Variants in LAMC2 observed in about 807,000 individuals in gnomAD.
LAMC2 encodes laminin subunit gamma-2.
Under a neutral mutation model 140.2 loss-of-function variants are expected in LAMC2, and 97 were observed. The ratio of observed to expected loss-of-function variants is 0.69; its 90% CI spans 0.59 to 0.82. The LOEUF (loss-of-function observed/expected upper bound fraction) is 0.82. Ranked by LOEUF, LAMC2 falls within the 40% of genes least tolerant of loss-of-function variation. The pLI is 0.00. For missense variants in LAMC2, 1,402 were observed against 1,476.1 expected (o/e 0.95, Z 0.82); for synonymous variants, 513 against 540.2 (o/e 0.95, Z 0.70).
intron 1 of LAMC2, 61 bp downstream of exon 1, chr1:183,186,492 A>G: frequency 1.3e-6 from 2 of 1,558,836 alleles, no homozygotes; most frequent in Non-Finnish European, 1.7e-6. Context: ...CTTTCTCTGC[A>G]GACCGTGATG....
At chr1:183,193,187 A>G (rs916829740) in intron 1 of LAMC2, among the ~76,000 whole-genome samples, 1 of 152,230 alleles carries the variant, frequency 6.6e-6, no homozygotes, top group Non-Finnish European at 1.5e-5. Flanking sequence ...AACTAAGCAC[A>G]GCTCTAGTTT....
downstream of LAMC2, among the ~76,000 whole-genome samples, chr1:183,247,138 C>T (rs1019384777): frequency 6.6e-6 from 1 of 152,062 alleles, no homozygotes; most frequent in African/African-American, 2.4e-5. Flanking sequence ...ATGGCGAAAC[C>T]CTGTCTCTAC....
downstream of LAMC2, among the ~76,000 whole-genome samples, chr1:183,247,529 CAAA>C (rs371988499): frequency 5.7e-5 from 6 of 105,998 alleles, no homozygotes; most frequent in Admixed American, 1.9e-4. Flanking sequence ...AATTTTAAGC[CAAA>C]AAAAAAAAAA....
chr1:183,249,515 A>T (rs1335111690), downstream of LAMC2: 1 of 151,994 alleles, frequency 6.6e-6, no homozygotes, highest in African/African-American at 2.4e-5. Context: ...AAGGAACAGG[A>T]CCCCAGAGAC....
At chr1:183,254,885 T>G in the LAMC2 span, among the ~76,000 whole-genome samples, 1 of 152,224 alleles carries the variant, frequency 6.6e-6, no homozygotes, top group Non-Finnish European at 1.5e-5. Flanking sequence ...ATTTTGTTGG[T>G]TGTTTCCTTT....
chr1:183,208,616 A>G (rs1291277173), intron 2 of LAMC2, among the ~76,000 whole-genome samples: 1 of 152,230 alleles, frequency 6.6e-6, no homozygotes, highest in Non-Finnish European at 1.5e-5. Flanking sequence ...AAGATAAAAC[A>G]AAATAACAAA....
In LAMC2 at chr1:183,212,554, G is replaced by A. The variant is rs1046227649; in HGVS notation, c.269-2899G>A. ...CCAATCATCCTCTCTTAATAGATGG[G>A]CTCTATCTCTGTCCTCACCACTTCC... is the stretch of plus-strand genomic sequence containing the variant. On this transcript the variant is annotated intron_variant, in intron 2 of 22. Transcript: ENST00000264144. Among the ~76,000 whole-genome samples, 22 of 151,922 alleles carry A rather than the reference G, an allele frequency of 1.4e-4. No homozygotes were observed. The East Asian group carries it at 3.7e-3, about 25-fold the overall frequency.
chr1:183,216,603 C>T (rs1659265240), intron 3 of LAMC2, among the ~76,000 whole-genome samples: 1 of 152,192 alleles, frequency 6.6e-6, no homozygotes, highest in Non-Finnish European at 1.5e-5. Context: ...AGAGCTCTGC[C>T]TTCCCCGAAG....
At chr1:183,203,124 A>AT (rs1482721606) in intron 1 of LAMC2, among the ~76,000 whole-genome samples, 2 of 152,164 alleles carry the variant, frequency 1.3e-5, no homozygotes, top group Non-Finnish European at 2.9e-5. Context: ...TATTTTTTTA[A>AT]TTTTGGCCAA....
chr1:183,252,411 C>G, the LAMC2 span: 1 of 471,080 alleles, frequency 2.1e-6, no homozygotes, highest in East Asian at 4.0e-5. Flanking sequence ...CGACTCCCAC[C>G]CCATTCCCTC....
chr1:183,216,180 G>A (rs569381599), intron 3 of LAMC2, among the ~76,000 whole-genome samples: 39 of 152,296 alleles, frequency 2.6e-4, no homozygotes, highest in East Asian at 1.9e-4. Context: ...CAGAGGAGGC[G>A]CGTCCCATTG....
intron 1 of LAMC2, among the ~76,000 whole-genome samples, chr1:183,199,467 C>T (rs994205794): frequency 6.6e-6 from 1 of 151,678 alleles, no homozygotes; most frequent in Non-Finnish European, 1.5e-5. Flanking sequence ...CTCCCTCCCT[C>T]TCTTTCTTCC....
At chr1:183,198,771 C>T (rs909771384) in intron 1 of LAMC2, among the ~76,000 whole-genome samples, 9 of 152,282 alleles carry the variant, frequency 5.9e-5, no homozygotes, top group South Asian at 2.1e-4. Context: ...GCTCGCTGCC[C>T]GTTGAGGTGG....
At position 183,235,536 on chromosome 1, in the gene LAMC2, G is replaced by C. The variant is rs778831019; in HGVS notation, c.2301-39G>C. The C allele has an allele frequency of 1.9e-6, 3 of 1,612,800 alleles. No individual in the cohort carries two copies. The South Asian group carries it at 3.3e-5, about 18-fold the overall frequency. ...CTGAACAACCTAAAGGAAGCCCTTT[G>C]CGTGAAAACTCTTATTCTTTTGTTT... is the stretch of plus-strand genomic sequence containing the variant. On this transcript the variant is annotated intron_variant, in intron 15 of 22. Transcript: ENST00000264144.
At chr1:183,212,788 C>T (rs1659112198) in intron 2 of LAMC2, among the ~76,000 whole-genome samples, 1 of 152,176 alleles carries the variant, frequency 6.6e-6, no homozygotes, top group South Asian at 2.1e-4. Flanking sequence ...AGGTCTTGGT[C>T]CTCCTCCTGT....
At chr1:183,233,678 A>G (rs1659861967) in intron 14 of LAMC2, among the ~76,000 whole-genome samples, 1 of 152,192 alleles carries the variant, frequency 6.6e-6, no homozygotes, top group African/African-American at 2.4e-5. Flanking sequence ...AATTTGGAAT[A>G]TATTCTACTG....
downstream of LAMC2, chr1:183,249,686 TG>T (rs1660322561): frequency 1.6e-5 from 1 of 62,176 alleles, no homozygotes; most frequent in African/African-American, 1.2e-4. Context: ...GTAGGGCGTG[TG>T]TGTGTGTGTG....
In LAMC2 at chr1:183,226,714, C is replaced by T. The variant is rs1352187999; in HGVS notation, c.1083C>T (p.Asp361=). Residue 361 remains aspartate, a synonymous_variant, in exon 9 of 23, where the codon GAC becomes GAT. Coordinates refer to ENST00000264144, the MANE Select transcript of LAMC2 (RefSeq NM_005562.3). ...CGATTGCAGGTACTGGGTACATTGA[C>T]AATGTGACCCTGATTTCAGCCCGCC... ...TYGEYSTGYI[D]NVTLISARPV... is the part of the protein sequence containing the mutation. 6.2e-7 allele frequency: 1 copy of T among 1,614,068 alleles called. No individual in the cohort carries two copies. The highest frequency in any genetic ancestry group is 8.5e-7 in the Non-Finnish European group (1 of 1,180,016).
chr1:183,200,251 A>G (rs1760632), intron 1 of LAMC2, among the ~76,000 whole-genome samples: 48,634 of 151,874 alleles, frequency 0.32, 8,195 homozygotes, highest in Middle Eastern at 0.41. Flanking sequence ...TCAGCCGGGC[A>G]TGGTGGTGGG....
Sources: gnomAD v4.1 joint callset for allele counts (sites outside exome capture counted in the v4.1 genomes callset) on GRCh38, gnomAD v4.1.1 for gene constraint, MANE v1.5 for transcripts, NCBI Gene and HGNC (gene_info 2026-07-23, HGNC 2026-07-21) for gene names.